The following FANK1 variants were observed in gnomAD, a reference collection of about 807,000 sequenced individuals.
The protein encoded by FANK1 is fibronectin type III and ankyrin repeat domains 1.
Under a neutral mutation model 45.3 loss-of-function variants are expected in FANK1, and 44 were observed. That is an observed-to-expected ratio of 0.97 (90% CI 0.76 to 1.25). The LOEUF is 1.25. FANK1 is among the 50% of genes most tolerant of loss of function. FANK1 has a pLI of 0.00. For synonymous variants in FANK1, 149 were observed against 152.5 expected (o/e 0.98, Z 0.17); for missense variants, 391 against 424.4 (o/e 0.92, Z 0.69).
chr10:125,991,837 A>G (rs919795303), intron 3 of FANK1, among the ~76,000 whole-genome samples: 22 of 152,182 alleles, frequency 1.4e-4, no homozygotes, highest in African/African-American at 5.3e-4. Flanking sequence ...GCACCATATT[A>G]TAATATCTGC....
In FANK1 at chr10:125,983,677, G is replaced by A. The variant is rs1336844601; in HGVS notation, c.191+3339G>A. Among the ~76,000 whole-genome samples the A allele has an allele frequency of 1.3e-5, 2 of 152,138 alleles. No homozygotes were observed. The highest frequency in any genetic ancestry group is 3.9e-4 in the East Asian group (2 of 5,184). ...TACAAATGTACCTGGCTGGTCCCAG[G>A]AGCATTGAGGAACAGAGGGAACAAG... On this transcript the variant is annotated intron_variant, in intron 2 of 10. Coordinates refer to ENST00000368693, the MANE Select transcript of FANK1 (RefSeq NM_145235.5). This position sits in a 1 kb window ranked among gnomAD's most constrained non-coding sequence, Gnocchi z 4.3.
At chr10:125,954,747 C>T (rs1949470245) in intron 1 of FANK1, among the ~76,000 whole-genome samples, 1 of 152,014 alleles carries the variant, frequency 6.6e-6, no homozygotes, top group African/African-American at 2.4e-5. Context: ...TAGTGAAACC[C>T]TGCCTCTACT....
intron 1 of FANK1, among the ~76,000 whole-genome samples, chr10:125,970,041 G>A (rs1410212064): frequency 6.6e-6 from 1 of 152,220 alleles, no homozygotes; most frequent in East Asian, 1.9e-4. Context: ...CACAGACACA[G>A]TAACAATCTG....
chr10:125,971,677 G>A (rs765783713), intron 1 of FANK1, among the ~76,000 whole-genome samples: 10 of 152,048 alleles, frequency 6.6e-5, no homozygotes, highest in Admixed American at 1.3e-4. Context: ...GCTGGAGTGC[G>A]GTGGCATGAT....
intron 1 of FANK1, among the ~76,000 whole-genome samples, chr10:125,923,092 A>C (rs1947058339): frequency 6.6e-6 from 1 of 151,836 alleles, no homozygotes; most frequent in Non-Finnish European, 1.5e-5. Context: ...TTTTTTCATT[A>C]CTGATTCAAT....
At chr10:125,989,447 G>A in intron 3 of FANK1, 1 of 1,256,140 alleles carries the variant, frequency 8.0e-7, no homozygotes, top group South Asian at 1.3e-5. Context: ...TTGGCTTGGA[G>A]GTATGTGCTT....
At chr10:125,945,218 T>G (rs1185112477) in intron 1 of FANK1, among the ~76,000 whole-genome samples, 1 of 152,160 alleles carries the variant, frequency 6.6e-6, no homozygotes, top group Non-Finnish European at 1.5e-5. Flanking sequence ...AAAAAAAATT[T>G]AATAAGAACA....
chr10:125,902,627 T>C (rs1224085637), intron 1 of FANK1, among the ~76,000 whole-genome samples: 3 of 152,272 alleles, frequency 2.0e-5, no homozygotes, highest in Admixed American at 6.5e-5. Flanking sequence ...CCATTTTCTT[T>C]TCTAACCTAA....
intron 6 of FANK1, among the ~76,000 whole-genome samples, chr10:126,001,056 C>T (rs1042451137): frequency 6.6e-6 from 1 of 152,164 alleles, no homozygotes. Flanking sequence ...TATCATCTTT[C>T]TGGAAAGCAA....
chr10:125,988,440 G>C, intron 2 of FANK1, 111 bp from the exon 3 acceptor site: 1 of 1,421,606 alleles, frequency 7.0e-7, no homozygotes, highest in East Asian at 2.3e-5. Flanking sequence ...TCCATCGGCT[G>C]TGTCCTGGAA....
intron 2 of FANK1, among the ~76,000 whole-genome samples, chr10:125,987,435 C>G (rs1951638356): frequency 6.6e-6 from 1 of 151,666 alleles, no homozygotes; most frequent in African/African-American, 2.4e-5. Flanking sequence ...CAATGGTAAC[C>G]TTGGCATCTA....
At chr10:125,899,652 C>T (rs1488469676) in intron 1 of FANK1, among the ~76,000 whole-genome samples, 3 of 152,190 alleles carry the variant, frequency 2.0e-5, no homozygotes, top group African/African-American at 7.2e-5. Context: ...CCAGATTTCA[C>T]CTGAGACGGA....
intron 8 of FANK1, 134 bp downstream of exon 8, chr10:126,008,684 C>T (rs976827397): frequency 5.3e-5 from 55 of 1,046,550 alleles, no homozygotes; most frequent in South Asian, 8.6e-5. Flanking sequence ...TGTTCCCTGT[C>T]GGCTTGTTCA....
At chr10:125,968,664 G>T (rs898145259) in intron 1 of FANK1, among the ~76,000 whole-genome samples, 7 of 152,074 alleles carry the variant, frequency 4.6e-5, no homozygotes, top group African/African-American at 1.7e-4. Context: ...TAAAGATGCT[G>T]AATAATCTGA....
chr10:125,956,562 C>A (rs894436961), intron 1 of FANK1, among the ~76,000 whole-genome samples: 2 of 152,054 alleles, frequency 1.3e-5, no homozygotes, highest in Admixed American at 6.6e-5. Context: ...AGAAAATATA[C>A]CACAGGTACA....
intron 1 of FANK1, among the ~76,000 whole-genome samples, chr10:125,924,736 G>T (rs968355883): frequency 2.1e-5 from 3 of 143,750 alleles, no homozygotes; most frequent in Non-Finnish European, 3.0e-5. Context: ...TTGAGCACAG[G>T]AGGTGGAGGG....
intron 1 of FANK1, among the ~76,000 whole-genome samples, chr10:125,969,631 T>A (rs932506378): frequency 3.3e-5 from 5 of 151,564 alleles, no homozygotes; most frequent in African/African-American, 9.7e-5. Flanking sequence ...TTTTTTTAAA[T>A]TTTTTTTAGT....
chr10:125,906,725 C>T (rs1180366973), intron 1 of FANK1, among the ~76,000 whole-genome samples: 3 of 152,118 alleles, frequency 2.0e-5, no homozygotes, highest in Non-Finnish European at 4.4e-5. Flanking sequence ...ACTTCTATTT[C>T]ATCTTGAACC....
At chr10:125,981,496 CA>C (rs60627576) in intron 2 of FANK1, among the ~76,000 whole-genome samples, 43,000 of 117,146 alleles carry the variant, frequency 0.37, 6,842 homozygotes, top group South Asian at 0.47. Flanking sequence ...GACCCTGTCT[CA>C]AAAAAAAAAA....
Sources: gnomAD v4.1 joint callset for allele counts (sites outside exome capture counted in the v4.1 genomes callset) on GRCh38, gnomAD v4.1.1 for gene constraint, Gnocchi (gnomAD v3.1) non-coding constraint, MANE v1.5 for transcripts, NCBI Gene and HGNC (gene_info 2026-07-23, HGNC 2026-07-21) for gene names.